PIGU: variants seen among roughly 807,000 people sequenced by gnomAD.
The protein encoded by PIGU is GPI-anchor transamidase component PIGU.
Under a neutral mutation model 49.9 loss-of-function variants are expected in PIGU, and 24 were observed. The observed-to-expected ratio is 0.48, with a 90% CI of 0.35 to 0.68. PIGU has a LOEUF of 0.68. PIGU is among the 30% of genes least tolerant of loss of function. The pLI is 0.01. For missense variants in PIGU, 490 were observed against 532.6 expected, an observed-to-expected ratio of 0.92 and a Z score of 0.79; for synonymous variants, 220 against 205.7, an observed-to-expected ratio of 1.07 and a Z score of -0.59.
intron 6 of PIGU, among the ~76,000 whole-genome samples, chr20:34,625,410 C>T (rs960514634): frequency 2.7e-5 from 4 of 148,256 alleles, no homozygotes; most frequent in African/African-American, 5.0e-5. Flanking sequence ...CATATCTATA[C>T]GAAAAGGAAA....
intron 7 of PIGU, among the ~76,000 whole-genome samples, chr20:34,593,192 T>C (rs576000821): frequency 5.9e-5 from 9 of 151,848 alleles, no homozygotes; most frequent in African/African-American, 2.2e-4. Flanking sequence ...CAAAAATTAG[T>C]AGGGCATGGT....
Position 34,612,693 on chromosome 20 carries a change from G to A in PIGU, c.627+3349C>T, listed in dbSNP as rs566880517. Among the ~76,000 whole-genome samples, 16 of 150,028 alleles carry A rather than the reference G, an allele frequency of 1.1e-4. No individual in the cohort carries two copies. In the South Asian group the frequency reaches 3.2e-3, roughly 30 times the overall value. The stretch of plus-strand genomic sequence containing the variant: ...GGCTGGAATGCGGTGGTGCGATCTA[G>A]GCTCCTGCAACCTCTGCCTCTCGGG... On this transcript the variant is annotated intron_variant, in intron 7 of 11. Coordinates refer to ENST00000217446, the MANE Select transcript of PIGU (RefSeq NM_080476.5).
chr20:34,572,143 T>G (rs1030354892), intron 11 of PIGU, among the ~76,000 whole-genome samples: 1 of 152,210 alleles, frequency 6.6e-6, no homozygotes, highest in Non-Finnish European at 1.5e-5. Context: ...TACAAGAATA[T>G]GTGGAGGGAT....
At chr20:34,576,221 A>T (rs747702125) in intron 10 of PIGU, among the ~76,000 whole-genome samples, 97 of 152,284 alleles carry the variant, frequency 6.4e-4, no homozygotes, top group Non-Finnish European at 1.0e-3. Flanking sequence ...AAAAAATTTT[A>T]AAATTTAAAA....
chr20:34,632,978 G>A (rs1256749701), intron 6 of PIGU, among the ~76,000 whole-genome samples: 1 of 148,394 alleles, frequency 6.7e-6, no homozygotes, highest in African/African-American at 2.5e-5. Flanking sequence ...GGAGCAACCA[G>A]GGAATAAAAC....
At chr20:34,603,079 G>C (rs1290577449) in intron 7 of PIGU, among the ~76,000 whole-genome samples, 3 of 151,218 alleles carry the variant, frequency 2.0e-5, no homozygotes, top group African/African-American at 4.9e-5. Flanking sequence ...ACAGAATCTG[G>C]GACATTTAAC....
At chr20:34,581,778 T>A in intron 9 of PIGU, 106 bp from the exon 10 acceptor site, 1 of 1,392,764 alleles carries the variant, frequency 7.2e-7, no homozygotes, top group Non-Finnish European at 9.7e-7. Context: ...TCAGGGGACT[T>A]CAGGAAGGGG....
chr20:34,575,767 G>A (rs906838081), intron 10 of PIGU, among the ~76,000 whole-genome samples: 1 of 152,072 alleles, frequency 6.6e-6, no homozygotes, highest in Non-Finnish European at 1.5e-5. Context: ...CCCCTGCCTC[G>A]CTCTTCAAAC....
intron 8 of PIGU, among the ~76,000 whole-genome samples, chr20:34,586,089 T>TGGC (rs1174485859): frequency 6.6e-6 from 1 of 152,210 alleles, no homozygotes; most frequent in Non-Finnish European, 1.5e-5. Flanking sequence ...CGGTGGGTTC[T>TGGC]GGCTAAGATC....
chr20:34,568,959 C>T (rs1365808811), intron 11 of PIGU, among the ~76,000 whole-genome samples: 2 of 152,114 alleles, frequency 1.3e-5, no homozygotes, highest in Admixed American at 1.3e-4. Context: ...CCTGTAATCC[C>T]AGCACTTTGG....
chr20:34,618,068 C>A (rs773362879), intron 6 of PIGU, among the ~76,000 whole-genome samples: 1 of 152,034 alleles, frequency 6.6e-6, no homozygotes, highest in African/African-American at 2.4e-5. Flanking sequence ...CTCTTTCTTT[C>A]GTAAATTGCC....
At chr20:34,625,071 T>C (rs1985408459) in intron 6 of PIGU, among the ~76,000 whole-genome samples, 1 of 151,670 alleles carries the variant, frequency 6.6e-6, no homozygotes, top group Non-Finnish European at 1.5e-5. Flanking sequence ...TGAAGAAACT[T>C]TGGAAAAAAA....
intron 7 of PIGU, among the ~76,000 whole-genome samples, chr20:34,606,423 G>T (rs1203467537): frequency 1.3e-5 from 2 of 151,950 alleles, no homozygotes; most frequent in Admixed American, 1.3e-4. Flanking sequence ...GTCCAGAACG[G>T]TTTCTCCACT....
intron 7 of PIGU, among the ~76,000 whole-genome samples, chr20:34,607,072 T>A (rs1984642920): frequency 6.6e-6 from 1 of 152,238 alleles, no homozygotes; most frequent in Non-Finnish European, 1.5e-5. Context: ...AATATGTATT[T>A]TTCCCTTTGC....
chr20:34,639,332 CG>C (rs1986074599), intron 4 of PIGU, among the ~76,000 whole-genome samples: 1 of 152,058 alleles, frequency 6.6e-6, no homozygotes, highest in Non-Finnish European at 1.5e-5. Context: ...ACCCGGGAGG[CG>C]GAGCTTGCAG....
intron 6 of PIGU, among the ~76,000 whole-genome samples, chr20:34,620,825 A>C (rs1365085331): frequency 7.3e-5 from 11 of 151,498 alleles, no homozygotes; most frequent in African/African-American, 2.2e-4. Context: ...AAAAACAAAA[A>C]AAAAAAAACA....
In PIGU at chr20:34,576,651, T is replaced by C. The variant is rs752803937; in HGVS notation, c.1052-1405A>G. ...AGACTATTTATTTTGAGATGGAATC[T>C]CACTACATTGCCCAAGCTGGAGTGG... On this transcript the variant is annotated intron_variant, in intron 10 of 11. Coordinates refer to ENST00000217446, the MANE Select transcript of PIGU (RefSeq NM_080476.5). 1.2e-3 allele frequency among the ~76,000 whole-genome samples: 181 copies of C among 152,260 alleles called. 3 individuals are homozygous for C. The highest frequency in any genetic ancestry group is 5.9e-4 in the Admixed American group (9 of 15,294).
chr20:34,605,061 C>T (rs897732385), intron 7 of PIGU, among the ~76,000 whole-genome samples: 2 of 152,164 alleles, frequency 1.3e-5, no homozygotes, highest in African/African-American at 4.8e-5. Context: ...CTTCTCGGTC[C>T]TGTGCACTCG....
intron 7 of PIGU, among the ~76,000 whole-genome samples, chr20:34,610,479 C>G (rs1014480269): frequency 6.6e-6 from 1 of 152,126 alleles, no homozygotes; most frequent in African/African-American, 2.4e-5. Flanking sequence ...AATAAAATAT[C>G]TAAGAATACA....
Sources: allele counts gnomAD v4.1 joint callset (sites outside exome capture counted in the v4.1 genomes callset), GRCh38; gene constraint gnomAD v4.1.1; transcripts MANE v1.5; gene names NCBI Gene and HGNC (gene_info 2026-07-23, HGNC 2026-07-21).